BANP: variants seen among roughly 807,000 people sequenced by gnomAD.
BANP encodes protein BANP.
BANP carries 11 observed loss-of-function variants against 68.1 expected under a neutral mutation model. The ratio of observed to expected loss-of-function variants is 0.16; its 90% confidence interval spans 0.10 to 0.27. BANP has a LOEUF of 0.27. BANP is among the 10% of genes least tolerant of loss of function. The pLI, the probability that BANP is intolerant of heterozygous loss-of-function variation, is 1.00. For synonymous variants in BANP, 329 were observed against 303.2 expected, an observed-to-expected ratio of 1.09 and a Z score of -0.88; for missense variants, 504 against 722.7, an observed-to-expected ratio of 0.70 and a Z score of 3.47.
Position 88,057,933 on chromosome 16 carries a change from G to A in BANP, c.1312-7334G>A, listed in dbSNP as rs1007966082. Reference sequence around the variant, plus strand: ...CCTGTGTTCCGACAAGCCAGGCGCCGAGGCTCGGTGTGGGCCCGTGGGCCT... The same window carrying A: ...CCTGTGTTCCGACAAGCCAGGCGCCAAGGCTCGGTGTGGGCCCGTGGGCCT... On this transcript the variant is annotated intron_variant, in intron 11 of 13. Coordinates refer to ENST00000682872, the MANE Select transcript of BANP (RefSeq NM_001386991.1). The surrounding 1 kb of genome is among the most constrained non-coding windows in gnomAD (Gnocchi z 4.6). 2.2e-4 allele frequency among the ~76,000 whole-genome samples: 34 copies of A among 152,214 alleles called. No homozygotes were observed. Among genetic ancestry groups the A allele is most frequent in the African/African-American group, 7.0e-4 (29 of 41,438 alleles).
chr16:88,037,266 A>G (rs2079595127), intron 10 of BANP: 1 of 152,258 alleles, frequency 6.6e-6, no homozygotes, highest in Admixed American at 6.5e-5. Flanking sequence ...TCAAAACTGA[A>G]TCCATCTTGT....
At chr16:88,052,906 A>G (rs2083619022) in intron 11 of BANP, among the ~76,000 whole-genome samples, 1 of 151,758 alleles carries the variant, frequency 6.6e-6, no homozygotes, top group Non-Finnish European at 1.5e-5. Context: ...CATCTCCATC[A>G]TCATCACCAA....
Position 87,957,464 on chromosome 16 carries a change from G to A in BANP, c.-69+5949G>A, listed in dbSNP as rs1429088388. On this transcript the variant is annotated intron_variant, in intron 1 of 13. Transcript: ENST00000682872. The surrounding 1 kb of genome is among the most constrained non-coding windows in gnomAD (Gnocchi z 4.3). ...GACCGGATCCTGTGTGGACCGGGTG[G>A]GCTGGTGTGGAGTCCTGTCAGGAGA... Among the ~76,000 whole-genome samples the A allele has an allele frequency of 3.3e-5, 5 of 152,208 alleles. No individual in the cohort carries two copies. Among genetic ancestry groups the A allele is most frequent in the Non-Finnish European group, 2.9e-5 (2 of 68,028 alleles).
At chr16:88,020,385 C>T (rs758279298) in intron 7 of BANP, among the ~76,000 whole-genome samples, 1 of 152,234 alleles carries the variant, frequency 6.6e-6, no homozygotes. Context: ...GCGCACCAGA[C>T]CACGTGATGT....
chr16:88,033,113 G>C lies in BANP; in HGVS notation c.1068G>C (p.Pro356=), dbSNP rs375289965. The part of the protein sequence containing the change: ...PNSSSYCPSE[P]MMSTPPPASE... ...TCACACCTGTTGCCCCCACAGAGCCGATGATGAGCACCCCACCTCCTGCCA... is the reference window on the plus strand; with the variant it reads ...TCACACCTGTTGCCCCCACAGAGCCCATGATGAGCACCCCACCTCCTGCCA... Residue 356 remains proline (P), a synonymous_variant, in exon 9 of 14, where the codon CCG becomes CCC. Transcript: ENST00000682872. 2 of 1,602,964 alleles carry C rather than the reference G, an allele frequency of 1.2e-6. No individual in the cohort carries two copies. Among genetic ancestry groups the C allele is most frequent in the South Asian group, 1.1e-5 (1 of 90,218 alleles).
chr16:88,011,879 C>T (rs1210508960), intron 6 of BANP, among the ~76,000 whole-genome samples: 1 of 152,120 alleles, frequency 6.6e-6, no homozygotes, highest in Non-Finnish European at 1.5e-5. Context: ...TAAGCATCCA[C>T]TAGTACCTGA....
At chr16:88,073,163 T>C (rs1163793777) in intron 13 of BANP, among the ~76,000 whole-genome samples, 1 of 152,282 alleles carries the variant, frequency 6.6e-6, no homozygotes, top group East Asian at 1.9e-4. Context: ...GCTGAAGAAG[T>C]GGGCTCGGTA....
At chr16:88,032,427 C>T (rs1160588475) in intron 8 of BANP, among the ~76,000 whole-genome samples, 1 of 152,278 alleles carries the variant, frequency 6.6e-6, no homozygotes, top group Admixed American at 6.5e-5. Flanking sequence ...GTCTTGAACT[C>T]GTGACCTCAG....
intron 13 of BANP, among the ~76,000 whole-genome samples, chr16:88,073,203 G>A (rs1185072126): frequency 6.6e-6 from 1 of 152,212 alleles, no homozygotes; most frequent in African/African-American, 2.4e-5. Flanking sequence ...TGCGCAGGTC[G>A]CCAGGCTGGG....
rs1261644879 is a variant in BANP at position 88,036,427 on chromosome 16, C to A, written c.1272+1033C>A. Among the ~76,000 whole-genome samples, 1 of 152,086 alleles carries A rather than the reference C, an allele frequency of 6.6e-6. No individual in the cohort carries two copies. Among genetic ancestry groups the A allele is most frequent in the Non-Finnish European group, 1.5e-5 (1 of 68,020 alleles). On this transcript the variant is annotated intron_variant, in intron 10 of 13. Coordinates refer to ENST00000682872, the MANE Select transcript of BANP (RefSeq NM_001386991.1). The surrounding 1 kb of genome is among the most constrained non-coding windows in gnomAD (Gnocchi z 4.2). ...GGGAGCAGAGGAGAGAGAAGCCCTG[C>A]CATCGGGGACTCACAGCGGGCGCAG...
intron 13 of BANP, among the ~76,000 whole-genome samples, chr16:88,076,130 C>CA (rs1437402456): frequency 6.6e-6 from 1 of 152,222 alleles, no homozygotes; most frequent in Non-Finnish European, 1.5e-5. Flanking sequence ...GAACCTGTAT[C>CA]TTTGAGGGAA....
intron 12 of BANP, among the ~76,000 whole-genome samples, chr16:88,069,256 A>G (rs767247355): frequency 6.6e-5 from 10 of 152,198 alleles, no homozygotes; most frequent in Non-Finnish European, 1.2e-4. Context: ...TGTCAGCAAA[A>G]AGATGGAATT....
chr16:88,039,449 G>T (rs1243062999), intron 11 of BANP, among the ~76,000 whole-genome samples: 4 of 145,052 alleles, frequency 2.8e-5, no homozygotes, highest in African/African-American at 9.7e-5. Flanking sequence ...GTGGTTTATG[G>T]TTCTGCTGGT....
chr16:88,027,562 G>A lies in BANP; in HGVS notation c.975G>A (p.Thr325=), dbSNP rs200770109. The change falls in exon 8 of 14, where the codon ACG becomes ACA. Residue 325 remains threonine (T), a synonymous_variant. Coordinates refer to ENST00000682872, the MANE Select transcript of BANP (RefSeq NM_001386991.1). ...AGAGCATCGACTCCAAGTGCCGCAC[G>A]GCGTGGCGGCGCAAGCAGCGGGGCC... ...IKQSIDSKCR[T]AWRRKQRGQS... is the part of the protein sequence containing the mutation. 6.5e-4 allele frequency: 1,041 copies of A among 1,613,832 alleles called. 20 individuals carry two copies. In the South Asian group the frequency reaches 0.011, roughly 17 times the overall value.
At chr16:88,059,604 C>T (rs375417470) in intron 11 of BANP, among the ~76,000 whole-genome samples, 4 of 152,276 alleles carry the variant, frequency 2.6e-5, no homozygotes, top group East Asian at 1.9e-4. Context: ...CACCTCGTCT[C>T]GGCCCCACGT....
rs1194801391 is a variant in BANP at position 88,057,671 on chromosome 16, A to C, written c.1312-7596A>C. 6.7e-6 allele frequency among the ~76,000 whole-genome samples: 1 copy of C among 149,996 alleles called. No homozygotes were observed. Among genetic ancestry groups the C allele is most frequent in the Non-Finnish European group, 1.5e-5 (1 of 67,614 alleles). On this transcript the variant is annotated intron_variant, in intron 11 of 13. Transcript: ENST00000682872. The surrounding 1 kb of genome is among the most constrained non-coding windows in gnomAD (Gnocchi z 4.6). Reference sequence around the variant, plus strand: ...GCAATGTTTGGGTCCTGGTTCTTACATCCCAGAAGGGAAGTTGCGGCACTG... The same window carrying C: ...GCAATGTTTGGGTCCTGGTTCTTACCTCCCAGAAGGGAAGTTGCGGCACTG...
At chr16:87,955,763 A>G (rs2057919576) in intron 1 of BANP, among the ~76,000 whole-genome samples, 1 of 152,216 alleles carries the variant, frequency 6.6e-6, no homozygotes, top group Non-Finnish European at 1.5e-5. Context: ...TCGGGGTAAC[A>G]CCATCAGTCA....
chr16:87,985,365 G>C (rs1031057104), intron 4 of BANP, among the ~76,000 whole-genome samples: 3 of 152,148 alleles, frequency 2.0e-5, no homozygotes, highest in Non-Finnish European at 4.4e-5. Flanking sequence ...TCTGAGATGG[G>C]GCCTTCACCC....
At chr16:87,986,274 C>G (rs2064390233) in intron 4 of BANP, among the ~76,000 whole-genome samples, 2 of 152,256 alleles carry the variant, frequency 1.3e-5, no homozygotes, top group Admixed American at 6.5e-5. Context: ...TCACTTGTCA[C>G]TTGTCACGTT....
Sources: allele counts gnomAD v4.1 joint callset (sites outside exome capture counted in the v4.1 genomes callset), GRCh38; gene constraint gnomAD v4.1.1; non-coding constraint Gnocchi (gnomAD v3.1); transcripts MANE v1.5; gene names NCBI Gene and HGNC (gene_info 2026-07-23, HGNC 2026-07-21).